FAM53A: variants seen among roughly 807,000 people sequenced by gnomAD.
FAM53A encodes family with sequence similarity 53 member A.
FAM53A carries 28 observed loss-of-function variants against 26.6 expected under a neutral mutation model. The observed-to-expected ratio is 1.05, with a 90% confidence interval of 0.78 to 1.45. The LOEUF is 1.45. Ranked by LOEUF, FAM53A falls within the 40% of genes most tolerant of loss-of-function variation. The pLI, the probability that FAM53A is intolerant of heterozygous loss-of-function variation, is 0.00. For synonymous variants in FAM53A, 290 were observed against 253.1 expected (o/e 1.15, Z -1.38); for missense variants, 650 against 575.8 (o/e 1.13, Z -1.32).
intron 1 of FAM53A, among the ~76,000 whole-genome samples, chr4:1,676,103 T>C (rs1037922554): frequency 6.6e-6 from 1 of 152,246 alleles, no homozygotes; most frequent in South Asian, 2.1e-4. Flanking sequence ...TGTAGAGCCA[T>C]GAATTAGCTT....
intron 4 of FAM53A, chr4:1,644,352 G>GAAA: frequency 1.3e-6 from 2 of 1,535,576 alleles, no homozygotes; most frequent in Non-Finnish European, 1.7e-6. Context: ...GCTAGAGCGT[G>GAAA]AAAACAGCAG....
At chr4:1,621,679 C>G (rs1247882171) in intron 1 of FAM53A, among the ~76,000 whole-genome samples, 1 of 152,198 alleles carries the variant, frequency 6.6e-6, no homozygotes, top group Non-Finnish European at 1.5e-5. Context: ...CTGGGGCAGT[C>G]CCCCCATCCA....
intron 4 of FAM53A, among the ~76,000 whole-genome samples, chr4:1,653,853 G>A (rs760743973): frequency 1.3e-5 from 2 of 152,222 alleles, no homozygotes; most frequent in Admixed American, 6.5e-5. Context: ...CTCCAGCTCT[G>A]GGCTGTGGCC....
the FAM53A span, among the ~76,000 whole-genome samples, chr4:1,600,897 G>C: frequency 6.6e-6 from 1 of 152,180 alleles, no homozygotes; most frequent in Non-Finnish European, 1.5e-5. Flanking sequence ...CGGAGGAGAC[G>C]GCTCCTGTCA....
chr4:1,640,113 C>A lies in FAM53A; in HGVS notation c.*1180G>T, dbSNP rs1289233169. ...AGTGGGTGCTGACGGGTGCTGCCGG[C>A]AGGACAGCCTTCCCAGAGGTCTGGC... On this transcript the variant is annotated 3_prime_UTR_variant, in exon 5 of 5. Coordinates refer to ENST00000308132, the MANE Select transcript of FAM53A (RefSeq NM_001174070.3). 2 of 153,538 alleles carry A rather than the reference C, an allele frequency of 1.3e-5. No individual in the cohort carries two copies. The highest frequency in any genetic ancestry group is 4.8e-5 in the African/African-American group (2 of 41,580). 9.5% of individuals were successfully genotyped at this position (153,538 alleles called of 1,614,324 possible).
chr4:1,633,643 G>A (rs541063677), intron 1 of FAM53A, among the ~76,000 whole-genome samples: 1 of 152,092 alleles, frequency 6.6e-6, no homozygotes, highest in Non-Finnish European at 1.5e-5. Context: ...TCCAAGAGCC[G>A]GTTCTTCCCA....
chr4:1,603,748 C>T, the FAM53A span, among the ~76,000 whole-genome samples: 1 of 152,338 alleles, frequency 6.6e-6, no homozygotes, highest in South Asian at 2.1e-4. Context: ...TGAAATTGCC[C>T]CAAAGAAAGG....
rs531234141 is a variant in FAM53A, at chr4:1,648,850, C to T, written c.882+6128G>A. On this transcript the variant is annotated intron_variant, in intron 4 of 4. Transcript: ENST00000308132. ...GGGGCAAGCCGGGAGTGGTGGCTCACGCCTGTAATCCCAGCACTTTGTGAG... is the reference window on the plus strand; with the variant it reads ...GGGGCAAGCCGGGAGTGGTGGCTCATGCCTGTAATCCCAGCACTTTGTGAG... Among the ~76,000 whole-genome samples, 265 of 152,320 alleles carry T rather than the reference C, an allele frequency of 1.7e-3. 1 individual carries two copies. The highest frequency in any genetic ancestry group is 1.8e-3 in the Non-Finnish European group (121 of 68,020).
chr4:1,577,527 C>T, the FAM53A span, among the ~76,000 whole-genome samples: 1 of 152,306 alleles, frequency 6.6e-6, no homozygotes, highest in Non-Finnish European at 1.5e-5. Flanking sequence ...TCCTCAAAGG[C>T]CTTTATGTAA....
At chr4:1,667,542 T>C (rs1431304069) in intron 2 of FAM53A, among the ~76,000 whole-genome samples, 1 of 151,960 alleles carries the variant, frequency 6.6e-6, no homozygotes, top group Non-Finnish European at 1.5e-5. Flanking sequence ...TCAGGCCACA[T>C]GCCACCTCCC....
At chr4:1,597,788 G>A in the FAM53A span, among the ~76,000 whole-genome samples, 2 of 152,364 alleles carry the variant, frequency 1.3e-5, no homozygotes, top group African/African-American at 2.4e-5. Flanking sequence ...ATGAGGTCAG[G>A]AGTTCGAGAC....
chr4:1,632,541 CAACT>C (rs1313163932), intron 1 of FAM53A, among the ~76,000 whole-genome samples: 1 of 152,184 alleles, frequency 6.6e-6, no homozygotes, highest in Non-Finnish European at 1.5e-5. Flanking sequence ...TCTCAACAGA[CAACT>C]AACAAATAAT....
At chr4:1,579,418 G>C in the FAM53A span, among the ~76,000 whole-genome samples, 1 of 151,678 alleles carries the variant, frequency 6.6e-6, no homozygotes, top group Non-Finnish European at 1.5e-5. Context: ...CTGCGTGGGC[G>C]CCTGCGCCAC....
At chr4:1,576,221 G>A in the FAM53A span, among the ~76,000 whole-genome samples, 10 of 152,184 alleles carry the variant, frequency 6.6e-5, no homozygotes, top group African/African-American at 1.4e-4. Context: ...TCTATCACGC[G>A]GCTGCCTTCA....
At chr4:1,590,979 T>C in the FAM53A span, among the ~76,000 whole-genome samples, 199 of 129,980 alleles carry the variant, frequency 1.5e-3, 8 homozygotes, top group African/African-American at 5.1e-3. Flanking sequence ...TATATATATA[T>C]ATATATATAT....
downstream of FAM53A, among the ~76,000 whole-genome samples, chr4:1,634,929 A>T (rs1390514713): frequency 6.6e-6 from 1 of 151,958 alleles, no homozygotes; most frequent in East Asian, 1.9e-4. Context: ...AAATAAAATC[A>T]TCTGGGGCTG....
chr4:1,673,929 T>G (rs1388760943), intron 1 of FAM53A, among the ~76,000 whole-genome samples: 1 of 152,204 alleles, frequency 6.6e-6, no homozygotes, highest in South Asian at 2.1e-4. Context: ...TTGTGAGTGC[T>G]GGGCAGGGAA....
chr4:1,652,234 G>T (rs1356549786), intron 4 of FAM53A, among the ~76,000 whole-genome samples: 1 of 75,626 alleles, frequency 1.3e-5, no homozygotes, highest in Non-Finnish European at 2.7e-5. Context: ...CACACTAGTC[G>T]CACACACACC....
At chr4:1,643,566 A>AC (rs1234397707) in intron 4 of FAM53A, among the ~76,000 whole-genome samples, 24 of 138,140 alleles carry the variant, frequency 1.7e-4, no homozygotes, top group Non-Finnish European at 3.4e-4. Flanking sequence ...TCTAAAGAAT[A>AC]ATTTTTTTTT....
Sources: gnomAD v4.1 joint callset for allele counts (sites outside exome capture counted in the v4.1 genomes callset) on GRCh38, gnomAD v4.1.1 for gene constraint, MANE v1.5 for transcripts, NCBI Gene and HGNC (gene_info 2026-07-23, HGNC 2026-07-21) for gene names.